USP24: variants seen among roughly 807,000 people sequenced by gnomAD.
USP24 encodes ubiquitin specific peptidase 24.
USP24 carries 97 observed loss-of-function variants against 361.6 expected under a neutral mutation model. The ratio of observed to expected loss-of-function variants is 0.27; its 90% CI spans 0.23 to 0.32. USP24 has a LOEUF of 0.32. Ranked by LOEUF, USP24 falls within the 10% of genes least tolerant of loss-of-function variation. The pLI is 1.00. For synonymous variants in USP24, 1,098 were observed against 1,124.6 expected, an observed-to-expected ratio of 0.98 and a Z score of 0.47; for missense variants, 2,353 against 3,165.6, an observed-to-expected ratio of 0.74 and a Z score of 6.16.
intron 12 of USP24, 27 bp from the exon 13 acceptor site, chr1:55,154,805 T>A: frequency 1.3e-6 from 2 of 1,585,240 alleles, no homozygotes; most frequent in Non-Finnish European, 1.7e-6. Flanking sequence ...TGGAAAAAAA[T>A]TAAGTCTTGG....
intron 39 of USP24, among the ~76,000 whole-genome samples, chr1:55,109,701 C>A (rs1190134458): frequency 1.3e-5 from 2 of 152,168 alleles, no homozygotes; most frequent in East Asian, 3.9e-4. Context: ...ACAGAGCATT[C>A]CAAAGTACAT....
intron 11 of USP24, 67 bp from the exon 12 acceptor site, chr1:55,157,118 T>A: frequency 6.9e-7 from 1 of 1,458,948 alleles, no homozygotes; most frequent in Non-Finnish European, 9.5e-7. Context: ...TATAATTCTA[T>A]TGATTCAAAA....
rs74953732 is a variant in USP24 at position 55,167,466 on chromosome 1, T to C, written c.826-863A>G. On this transcript the variant is annotated intron_variant, in intron 5 of 67. Coordinates refer to ENST00000294383, the MANE Select transcript of USP24 (RefSeq NM_015306.3). ...AGGTTGTACAGAGAGGCAAAGAATG[T>C]AGATCATGGAGACACTTACAGACCA... 2.3e-3 allele frequency among the ~76,000 whole-genome samples: 344 copies of C among 152,218 alleles called. 3 individuals are homozygous for C. The highest frequency in any genetic ancestry group is 8.1e-3 in the African/African-American group (335 of 41,534).
chr1:55,164,600 T>C (rs1570587162), intron 7 of USP24, among the ~76,000 whole-genome samples: 1 of 152,044 alleles, frequency 6.6e-6, no homozygotes, highest in Non-Finnish European at 1.5e-5. Context: ...ATCCCCTCAA[T>C]ACAACCTAAA....
rs1227925869 is a variant in USP24, at chr1:55,124,645, G to A, written c.3961-17C>T. ...TTCCATTGTCTAAAGAATGGAACAA[G>A]TATTATGAGAAAGAGCAATACTTGA... On this transcript the variant is annotated splice_polypyrimidine_tract_variant and intron_variant, in intron 34 of 67. Coordinates refer to ENST00000294383, the MANE Select transcript of USP24 (RefSeq NM_015306.3). 6.2e-7 allele frequency: 1 copy of A among 1,613,154 alleles called. No homozygotes were observed.
At chr1:55,207,449 A>C (rs1312261852) in intron 1 of USP24, among the ~76,000 whole-genome samples, 3 of 152,260 alleles carry the variant, frequency 2.0e-5, no homozygotes, top group African/African-American at 7.2e-5. Flanking sequence ...ACAGGAGTTA[A>C]GTACAGCTGG....
chr1:55,131,376 T>C (rs1286972645), intron 31 of USP24, among the ~76,000 whole-genome samples: 1 of 152,220 alleles, frequency 6.6e-6, no homozygotes, highest in Non-Finnish European at 1.5e-5. Context: ...AACTTAATAC[T>C]ACACTGAATG....
At chr1:55,182,588 AG>A (rs1464756541) in intron 1 of USP24, among the ~76,000 whole-genome samples, 1 of 152,162 alleles carries the variant, frequency 6.6e-6, no homozygotes, top group African/African-American at 2.4e-5. Context: ...AGGGGGAGCA[AG>A]GGGGGAGATC....
At chr1:55,213,341 G>GT (rs1644894304) in intron 1 of USP24, among the ~76,000 whole-genome samples, 1 of 152,178 alleles carries the variant, frequency 6.6e-6, no homozygotes, top group Admixed American at 6.5e-5. Context: ...AAGTTAGTGG[G>GT]TTACAGAGGG....
At chr1:55,176,569 T>C in intron 2 of USP24, 126 bp from the exon 3 acceptor site, 1 of 819,066 alleles carries the variant, frequency 1.2e-6, no homozygotes, top group East Asian at 2.8e-5. Context: ...TACATCATTC[T>C]AAATCCATAC....
In USP24 at chr1:55,106,221, C is replaced by T. The variant is rs755970264; in HGVS notation, c.4805G>A (p.Arg1602Gln). The change falls in exon 41 of 68, where the codon CGA becomes CAA. Residue 1602 changes from arginine to glutamine, a missense_variant. Coordinates refer to ENST00000294383, the MANE Select transcript of USP24 (RefSeq NM_015306.3). ...ACTATTTAAAATAATTCTAGAAGCT[C>T]GGAAAAGGAAGTCATCTAACAATGG... ...IKPLLDDFLF[R>Q]ASRIILNSHS... The T allele has an allele frequency of 7.4e-6, 12 of 1,613,668 alleles. No homozygotes were observed. The highest frequency in any genetic ancestry group is 2.2e-5 in the East Asian group (1 of 44,898).
At chr1:55,176,494 G>T (rs1238576987) in intron 2 of USP24, 51 bp from the exon 3 acceptor site, 1 of 1,493,558 alleles carries the variant, frequency 6.7e-7, no homozygotes, top group Non-Finnish European at 9.1e-7. Context: ...GACTCAGAAA[G>T]ACCTTAGTAA....
chr1:55,122,998 C>G (rs1476557390), intron 36 of USP24, among the ~76,000 whole-genome samples: 1 of 152,138 alleles, frequency 6.6e-6, no homozygotes, highest in African/African-American at 2.4e-5. Flanking sequence ...ATGATAGGAC[C>G]TGAGCCCTGG....
chr1:55,180,686 C>T (rs1261882205), intron 1 of USP24, among the ~76,000 whole-genome samples: 2 of 152,162 alleles, frequency 1.3e-5, no homozygotes, highest in Non-Finnish European at 2.9e-5. Flanking sequence ...TTCAGGGAAG[C>T]CTTTCCAGAA....
rs759665353 is a variant in USP24, at chr1:55,147,712, A to G, written c.2055T>C (p.Ala685=). 6.8e-6 allele frequency: 11 copies of G among 1,612,202 alleles called. No individual in the cohort carries two copies. In the Admixed American group the frequency reaches 8.4e-5, roughly 12 times the overall value. ...CACTTAAGCCTCCAGGCCCGGCCAC[A>G]GCAGCTGCAAGCCGATGACAAGCGA... is the stretch of plus-strand genomic sequence containing the variant. ...SLIACHRLAA[A]VAGPGGLSGS... The change falls in exon 18 of 68, where the codon GCT becomes GCC. Residue 685 remains alanine (A), a synonymous_variant. Coordinates refer to ENST00000294383, the MANE Select transcript of USP24 (RefSeq NM_015306.3).
chr1:55,132,777 C>A, intron 30 of USP24, 77 bp from the exon 31 acceptor site: 1 of 1,392,292 alleles, frequency 7.2e-7, no homozygotes, highest in Non-Finnish European at 9.6e-7. Flanking sequence ...AGTACACGTC[C>A]TAATATTCTT....
At position 55,106,201 on chromosome 1, in the gene USP24, T is replaced by C; in HGVS notation, c.4825A>G (p.Asn1609Asp). Residue 1609 changes from asparagine to aspartate, a missense_variant, in exon 41 of 68, where the codon AAT becomes GAT. By Grantham distance (23) the Asn-to-Asp change is conservative. Around this residue, in one of 8 missense-constraint regions of USP24, gnomAD observed 949 missense variants for 1,280.5 expected, o/e 0.74. Transcript: ENST00000294383. ...FLFRASRIIL[N>D]SHSPAGSAAI... The stretch of plus-strand genomic sequence containing the variant: ...GCACTGCCAGCTGGAGAATGACTAT[T>C]TAAAATAATTCTAGAAGCTCGGAAA... 6.2e-7 allele frequency: 1 copy of C among 1,613,982 alleles called. No individual in the cohort carries two copies. The highest frequency in any genetic ancestry group is 8.5e-7 in the Non-Finnish European group (1 of 1,179,852).
chr1:55,151,989 G>A, intron 16 of USP24: 3 of 985,756 alleles, frequency 3.0e-6, no homozygotes, highest in Non-Finnish European at 3.6e-6. Flanking sequence ...GCAGGAAAGG[G>A]CATAGCATAG....
chr1:55,212,329 C>T (rs925409211), intron 1 of USP24, among the ~76,000 whole-genome samples: 1 of 152,078 alleles, frequency 6.6e-6, no homozygotes, highest in Non-Finnish European at 1.5e-5. Flanking sequence ...ATACTGTTAC[C>T]AAACAAATTT....
Sources: gnomAD v4.1 joint callset for allele counts (sites outside exome capture counted in the v4.1 genomes callset) on GRCh38, gnomAD v4.1.1 for gene constraint, gnomAD v4.1.1 regional missense constraint, MANE v1.5 for transcripts, NCBI Gene and HGNC (gene_info 2026-07-23, HGNC 2026-07-21) for gene names.